ASIC2: variants seen among roughly 807,000 people sequenced by gnomAD.
ASIC2 encodes acid sensing ion channel subunit 2, also known as acid-sensing ion channel 2.
A neutral mutation model predicts 57.3 loss-of-function variants in ASIC2; 25 were observed. That is an observed-to-expected ratio of 0.44 (90% CI 0.32 to 0.61). ASIC2 has a LOEUF of 0.61. ASIC2 is among the 20% of genes least tolerant of loss of function. The probability of loss-of-function intolerance (pLI) is 0.06; values close to 1 mark genes in which losing one functional copy is unlikely to be tolerated. For synonymous variants in ASIC2, 319 were observed against 307.5 expected (o/e 1.04, Z -0.39); for missense variants, 641 against 738.1 (o/e 0.87, Z 1.52).
intron 1 of ASIC2, among the ~76,000 whole-genome samples, chr17:33,218,721 G>C (rs1907590680): frequency 6.6e-6 from 1 of 152,116 alleles, no homozygotes. Context: ...AATGAGACTG[G>C]ACTTAAAAAC....
intron 1 of ASIC2, among the ~76,000 whole-genome samples, chr17:33,201,855 C>T (rs1408035631): frequency 2.6e-5 from 4 of 151,726 alleles, no homozygotes; most frequent in Non-Finnish European, 4.4e-5. Context: ...CATGGTGAAA[C>T]CTTGTCTTTG....
intron 1 of ASIC2, among the ~76,000 whole-genome samples, chr17:33,541,698 C>T (rs926859620): frequency 6.6e-6 from 1 of 152,102 alleles, no homozygotes; most frequent in Non-Finnish European, 1.5e-5. Context: ...AGGAGTGAGC[C>T]ACCTTCATGC....
intron 1 of ASIC2, among the ~76,000 whole-genome samples, chr17:33,756,065 T>C (rs1433863022): frequency 6.6e-6 from 1 of 152,256 alleles, no homozygotes; most frequent in Non-Finnish European, 1.5e-5. Context: ...TTCCCTGTAA[T>C]TGAACATTGC....
intron 1 of ASIC2, among the ~76,000 whole-genome samples, chr17:33,951,116 A>G (rs961694299): frequency 6.6e-6 from 1 of 152,198 alleles, no homozygotes; most frequent in African/African-American, 2.4e-5. Context: ...AAGAATAGTA[A>G]TAACATATAT....
At chr17:33,436,096 T>A (rs1201089980) in intron 1 of ASIC2, among the ~76,000 whole-genome samples, 1 of 152,264 alleles carries the variant, frequency 6.6e-6, no homozygotes, top group East Asian at 1.9e-4. Context: ...CCATCTTGCT[T>A]CTAACCTCAC....
chr17:33,184,880 T>G (rs1021471664), intron 1 of ASIC2, among the ~76,000 whole-genome samples: 3 of 152,192 alleles, frequency 2.0e-5, no homozygotes, highest in Non-Finnish European at 2.9e-5. Flanking sequence ...TATATGGAAT[T>G]TGGCATCAGC....
intron 1 of ASIC2, among the ~76,000 whole-genome samples, chr17:33,260,052 T>A: frequency 6.6e-6 from 1 of 152,190 alleles, no homozygotes; most frequent in Non-Finnish European, 1.5e-5. Context: ...GTAGGAGGAT[T>A]GCTTGAGCCC....
rs546707582 is a variant in ASIC2, at chr17:33,979,865, T to C, written c.555+176113A>G. On this transcript the variant is annotated intron_variant, in intron 1 of 9. Coordinates refer to the ASIC2 transcript ENST00000359872. ...CTTCAATAATGAAGAACTCGGGAACTCAGTCTCTCTTGAATGGAACTCCAC... is the reference window on the plus strand; with the variant it reads ...CTTCAATAATGAAGAACTCGGGAACCCAGTCTCTCTTGAATGGAACTCCAC... Among the ~76,000 whole-genome samples, 3 of 152,284 alleles carry C rather than the reference T, an allele frequency of 2.0e-5. No individual in the cohort carries two copies. In the East Asian group the frequency reaches 5.8e-4, roughly 30 times the overall value.
intron 1 of ASIC2, among the ~76,000 whole-genome samples, chr17:33,972,028 G>A (rs1031810311): frequency 5.9e-5 from 9 of 152,108 alleles, no homozygotes; most frequent in Non-Finnish European, 8.8e-5. Flanking sequence ...CCAACAATGC[G>A]GGATGGGGGA....
intron 1 of ASIC2, among the ~76,000 whole-genome samples, chr17:33,755,893 A>G (rs965454561): frequency 6.6e-6 from 1 of 152,208 alleles, no homozygotes; most frequent in Non-Finnish European, 1.5e-5. Context: ...AGGAGGGCAG[A>G]GAGGGCCCCT....
intron 1 of ASIC2, among the ~76,000 whole-genome samples, chr17:34,056,381 G>A (rs990727720): frequency 6.6e-6 from 1 of 152,278 alleles, no homozygotes; most frequent in Admixed American, 6.5e-5. Flanking sequence ...CTTGTGGAGG[G>A]ATGGAAAATG....
At chr17:33,639,273 A>C (rs1374035639) in intron 1 of ASIC2, among the ~76,000 whole-genome samples, 2 of 152,132 alleles carry the variant, frequency 1.3e-5, no homozygotes, top group African/African-American at 4.8e-5. Flanking sequence ...GTGGAAAATC[A>C]TTATTGAGAA....
At chr17:33,429,859 C>A (rs1244009235) in intron 1 of ASIC2, among the ~76,000 whole-genome samples, 1 of 152,112 alleles carries the variant, frequency 6.6e-6, no homozygotes, top group Non-Finnish European at 1.5e-5. Context: ...TTCCTAGAAA[C>A]CATGGCTAAG....
intron 1 of ASIC2, among the ~76,000 whole-genome samples, chr17:34,018,025 A>G (rs184190814): frequency 1.2e-3 from 190 of 152,344 alleles, no homozygotes; most frequent in African/African-American, 4.5e-3. Context: ...ACAGCCTTAT[A>G]TTGGAATAAG....
intron 1 of ASIC2, among the ~76,000 whole-genome samples, chr17:33,114,582 A>C (rs1597584821): frequency 6.6e-6 from 1 of 152,242 alleles, no homozygotes; most frequent in African/African-American, 2.4e-5. Flanking sequence ...GAACTTCAGA[A>C]TACTGGGCTG....
At chr17:33,961,439 C>T (rs1904917387) in intron 1 of ASIC2, among the ~76,000 whole-genome samples, 1 of 152,168 alleles carries the variant, frequency 6.6e-6, no homozygotes. Flanking sequence ...TTAGCCCGAG[C>T]TTATGTCCCT....
chr17:33,999,181 C>T (rs1357080891), intron 1 of ASIC2, among the ~76,000 whole-genome samples: 1 of 152,112 alleles, frequency 6.6e-6, no homozygotes. Flanking sequence ...CAGAGCTACT[C>T]CTGCTTTTCT....
At chr17:33,145,581 T>G (rs1362904600) in intron 1 of ASIC2, among the ~76,000 whole-genome samples, 4 of 152,224 alleles carry the variant, frequency 2.6e-5, no homozygotes, top group Non-Finnish European at 5.9e-5. Context: ...ATTTCCAACA[T>G]TAAATAGCCT....
At chr17:34,154,032 G>A (rs1904623641) in intron 1 of ASIC2, among the ~76,000 whole-genome samples, 2 of 152,160 alleles carry the variant, frequency 1.3e-5, no homozygotes, top group Non-Finnish European at 2.9e-5. Flanking sequence ...TTCAGAAGAA[G>A]CCACCAGTTG....
Sources: allele counts gnomAD v4.1 joint callset (sites outside exome capture counted in the v4.1 genomes callset), GRCh38; gene constraint gnomAD v4.1.1; transcripts MANE v1.5; gene names NCBI Gene and HGNC (gene_info 2026-07-23, HGNC 2026-07-21).